CACNA1E: variants seen among roughly 807,000 people sequenced by gnomAD.
The protein encoded by CACNA1E is calcium voltage-gated channel subunit alpha1 E.
Under a neutral mutation model 259.2 loss-of-function variants are expected in CACNA1E, and 40 were observed. The observed-to-expected ratio is 0.15, with a 90% CI of 0.12 to 0.20. The LOEUF is 0.20. CACNA1E is among the 10% of genes least tolerant of loss of function. CACNA1E has a pLI of 1.00. For synonymous variants in CACNA1E, 1,104 were observed against 1,138.5 expected (o/e 0.97, Z 0.61); for missense variants, 1,874 against 3,040.1 (o/e 0.62, Z 9.02).
intron 1 of CACNA1E, among the ~76,000 whole-genome samples, chr1:181,351,592 G>C (rs1440629961): frequency 6.6e-6 from 1 of 152,178 alleles, no homozygotes; most frequent in Non-Finnish European, 1.5e-5. Context: ...CTGAAGTCAA[G>C]GTGTCAGCTG....
At chr1:181,432,130 G>T (rs1659759897) in intron 2 of CACNA1E, among the ~76,000 whole-genome samples, 1 of 152,170 alleles carries the variant, frequency 6.6e-6, no homozygotes, top group Non-Finnish European at 1.5e-5. Flanking sequence ...TCCTTGGCCT[G>T]ATTTAATTCA....
chr1:181,637,730 G>A (rs1470946488), intron 6 of CACNA1E, among the ~76,000 whole-genome samples: 1 of 152,108 alleles, frequency 6.6e-6, no homozygotes, highest in African/African-American at 2.4e-5. Flanking sequence ...TGATTATGTT[G>A]CAGTTAAGTG....
At chr1:181,466,219 C>T (rs796963287) in intron 2 of CACNA1E, among the ~76,000 whole-genome samples, 1 of 152,160 alleles carries the variant, frequency 6.6e-6, no homozygotes, top group South Asian at 2.1e-4. Flanking sequence ...GGTCTAAAGA[C>T]CTTATCACTT....
At chr1:181,384,808 G>A (rs1440435683) in intron 1 of CACNA1E, among the ~76,000 whole-genome samples, 1 of 152,076 alleles carries the variant, frequency 6.6e-6, no homozygotes, top group Non-Finnish European at 1.5e-5. Context: ...GTTAATGGGT[G>A]CAGCACACCA....
At chr1:181,361,647 C>T (rs1322637168) in intron 1 of CACNA1E, among the ~76,000 whole-genome samples, 1 of 152,226 alleles carries the variant, frequency 6.6e-6, no homozygotes, top group Non-Finnish European at 1.5e-5. Context: ...CTTTCTTCCT[C>T]AACCTGTTCC....
chr1:181,711,745 A>G (rs1653385965), intron 8 of CACNA1E, among the ~76,000 whole-genome samples: 1 of 152,146 alleles, frequency 6.6e-6, no homozygotes, highest in African/African-American at 2.4e-5. Flanking sequence ...AGTACCTAAC[A>G]TGGGAGTGAG....
chr1:181,358,305 C>CT (rs1460601370), intron 1 of CACNA1E, among the ~76,000 whole-genome samples: 3 of 152,140 alleles, frequency 2.0e-5, no homozygotes, highest in Non-Finnish European at 4.4e-5. Flanking sequence ...TGGTCAGGAC[C>CT]TTTTTCTGGA....
intron 1 of CACNA1E, among the ~76,000 whole-genome samples, chr1:181,347,243 T>C (rs1652667485): frequency 6.6e-6 from 1 of 152,298 alleles, no homozygotes; most frequent in South Asian, 2.1e-4. Flanking sequence ...GCTTCTAACC[T>C]GATTTCTCTT....
chr1:181,383,348 G>T (rs1655604738), intron 1 of CACNA1E, among the ~76,000 whole-genome samples: 1 of 152,200 alleles, frequency 6.6e-6, no homozygotes, highest in Non-Finnish European at 1.5e-5. Flanking sequence ...GATGTGGTAG[G>T]TGCACAGAAA....
chr1:181,433,663 C>T (rs773224856), intron 2 of CACNA1E, among the ~76,000 whole-genome samples: 38 of 152,154 alleles, frequency 2.5e-4, no homozygotes, highest in Non-Finnish European at 1.0e-4. Context: ...CTAAGCATTA[C>T]GTATACATGT....
At chr1:181,447,986 G>GCTTTTCTCTTCATCT (rs1160563750) in intron 2 of CACNA1E, among the ~76,000 whole-genome samples, 8 of 152,170 alleles carry the variant, frequency 5.3e-5, no homozygotes, top group African/African-American at 1.9e-4. Context: ...GCTTTTAAGA[G>GCTTTTCTCTTCATCT]CTGGTGTGAT....
At chr1:181,414,466 G>T (rs1000796102) in intron 2 of CACNA1E, among the ~76,000 whole-genome samples, 2 of 152,202 alleles carry the variant, frequency 1.3e-5, no homozygotes, top group African/African-American at 4.8e-5. Context: ...TGTTTCATAA[G>T]GATGTTAATG....
At chr1:181,711,273 C>T (rs1338970320) in intron 8 of CACNA1E, among the ~76,000 whole-genome samples, 1 of 152,238 alleles carries the variant, frequency 6.6e-6, no homozygotes, top group Non-Finnish European at 1.5e-5. Flanking sequence ...ACTGTCCCAA[C>T]ACCTTAAGGC....
At chr1:181,791,138 G>T (rs895165460) in intron 44 of CACNA1E, among the ~76,000 whole-genome samples, 7 of 152,188 alleles carry the variant, frequency 4.6e-5, no homozygotes, top group African/African-American at 1.7e-4. Flanking sequence ...GGCCACTAAA[G>T]TCACTTCCCT....
At chr1:181,599,629 G>T (rs1250348294) in intron 6 of CACNA1E, among the ~76,000 whole-genome samples, 2 of 152,218 alleles carry the variant, frequency 1.3e-5, no homozygotes, top group African/African-American at 4.8e-5. Context: ...GTGCAGGGAT[G>T]TCTACTATTT....
At chr1:181,464,691 C>A (rs949766891) in intron 2 of CACNA1E, among the ~76,000 whole-genome samples, 1 of 148,374 alleles carries the variant, frequency 6.7e-6, no homozygotes. Flanking sequence ...CCTTTATAAT[C>A]CATATGCCTT....
At chr1:181,388,735 T>A (rs970317148) in intron 1 of CACNA1E, among the ~76,000 whole-genome samples, 1 of 151,786 alleles carries the variant, frequency 6.6e-6, no homozygotes, top group African/African-American at 2.4e-5. Flanking sequence ...CCAAAAAAAA[T>A]ATAAAATTAG....
At chr1:181,495,849 A>G (rs1162679419) in intron 1 of CACNA1E, among the ~76,000 whole-genome samples, 1 of 152,258 alleles carries the variant, frequency 6.6e-6, no homozygotes, top group Non-Finnish European at 1.5e-5. Context: ...AATATATAAC[A>G]CTTATTGAAC....
chr1:181,737,090 C>A (rs1201372884), intron 22 of CACNA1E, among the ~76,000 whole-genome samples: 1 of 152,216 alleles, frequency 6.6e-6, no homozygotes, highest in Non-Finnish European at 1.5e-5. Flanking sequence ...ACCTGGGGCT[C>A]ATGAAAACTC....
Sources: allele counts gnomAD v4.1 joint callset (sites outside exome capture counted in the v4.1 genomes callset), GRCh38; gene constraint gnomAD v4.1.1; transcripts MANE v1.5; gene names NCBI Gene and HGNC (gene_info 2026-07-23, HGNC 2026-07-21).